Variants in VPS41 observed in about 807,000 individuals in gnomAD.
VPS41 encodes vacuolar protein sorting-associated protein 41 homolog.
A neutral mutation model predicts 130.9 loss-of-function variants in VPS41; 85 were observed. The observed-to-expected ratio is 0.65, with a 90% CI of 0.55 to 0.78. The LOEUF is 0.78. Ranked by LOEUF, VPS41 falls within the 30% of genes least tolerant of loss-of-function variation. The pLI, the probability that VPS41 is intolerant of heterozygous loss-of-function variation, is 0.00. For missense variants in VPS41, 874 were observed against 1,018.7 expected (o/e 0.86, Z 1.93); for synonymous variants, 335 against 332.9 (o/e 1.01, Z -0.07).
intron 22 of VPS41, among the ~76,000 whole-genome samples, chr7:38,748,073 G>GAT (rs1251561136): frequency 2.0e-5 from 3 of 152,148 alleles, no homozygotes; most frequent in Non-Finnish European, 4.4e-5. Flanking sequence ...TGAGAAAATG[G>GAT]ACTTTAGAAA....
At position 38,830,254 on chromosome 7, in the gene VPS41, C is replaced by T; in HGVS notation, c.321G>A (p.Lys107=). 2 of 1,608,962 alleles carry T rather than the reference C, an allele frequency of 1.2e-6. No individual in the cohort carries two copies. Among genetic ancestry groups the T allele is most frequent in the South Asian group, 1.1e-5 (1 of 90,982 alleles). ...EHMGVCSEDG[K]VQVFGLYSGE... ...CTGCATGACCACATCTTTGCCATACCTTGCCATCCTCTGAACACACACCCA... is the reference window on the plus strand; with the variant it reads ...CTGCATGACCACATCTTTGCCATACTTTGCCATCCTCTGAACACACACCCA... The change falls in exon 5 of 29, where the codon AAG becomes AAA. Residue 107 remains lysine (K), a splice_region_variant and synonymous_variant. Transcript: ENST00000310301.
intron 10 of VPS41, among the ~76,000 whole-genome samples, chr7:38,787,327 T>G (rs932907612): frequency 2.0e-5 from 3 of 152,094 alleles, no homozygotes; most frequent in African/African-American, 7.2e-5. Flanking sequence ...TGGAAGACTT[T>G]GGTGAAAAGT....
chr7:38,848,604 T>C (rs1349382139), intron 4 of VPS41, among the ~76,000 whole-genome samples: 1 of 152,248 alleles, frequency 6.6e-6, no homozygotes, highest in Non-Finnish European at 1.5e-5. Context: ...ATATTTTACA[T>C]GTATTCGTTC....
intron 3 of VPS41, among the ~76,000 whole-genome samples, chr7:38,863,776 G>A (rs925893263): frequency 1.3e-5 from 2 of 152,168 alleles, no homozygotes; most frequent in African/African-American, 2.4e-5. Flanking sequence ...CCGCTGCACA[G>A]GCCTGCCTGA....
chr7:38,845,360 A>T (rs73123624), intron 4 of VPS41, among the ~76,000 whole-genome samples: 17,968 of 152,240 alleles, frequency 0.12, 1,742 homozygotes, highest in African/African-American at 0.27. Flanking sequence ...ACAAATGTGA[A>T]CCTTGCACTT....
At chr7:38,730,712 A>G (rs1795645318) in intron 25 of VPS41, among the ~76,000 whole-genome samples, 1 of 152,210 alleles carries the variant, frequency 6.6e-6, no homozygotes, top group Admixed American at 6.5e-5. Flanking sequence ...AAAAGCAAAC[A>G]TATAAAGCTG....
At chr7:38,731,513 C>T (rs920847832) in intron 25 of VPS41, among the ~76,000 whole-genome samples, 1 of 152,174 alleles carries the variant, frequency 6.6e-6, no homozygotes, top group Non-Finnish European at 1.5e-5. Flanking sequence ...GTCATCCTCA[C>T]CTCTTTTTGA....
intron 7 of VPS41, among the ~76,000 whole-genome samples, chr7:38,799,220 A>G (rs994685182): frequency 3.3e-5 from 5 of 152,258 alleles, no homozygotes; most frequent in African/African-American, 4.8e-5. Flanking sequence ...ATGAATAACA[A>G]GACATTCAAA....
In VPS41 at chr7:38,728,761, G is replaced by GA; in HGVS notation, c.2289dup (p.Leu764SerfsTer4). ...AGTAAGGACAAAGAGTCAGCTACGA[G>GA]AATCTTCTTGCAGCCTTCACGAAGC... On this transcript the variant is annotated frameshift_variant, in exon 26 of 29. Coordinates refer to ENST00000310301, the MANE Select transcript of VPS41 (RefSeq NM_014396.4). LOFTEE classifies it high-confidence loss of function. The GA allele has an allele frequency of 6.2e-7, 1 of 1,614,162 alleles. No homozygotes were observed. Among genetic ancestry groups the GA allele is most frequent in the Non-Finnish European group, 8.5e-7 (1 of 1,180,018 alleles).
At chr7:38,852,953 C>T (rs1359746546) in intron 4 of VPS41, among the ~76,000 whole-genome samples, 1 of 152,138 alleles carries the variant, frequency 6.6e-6, no homozygotes. Context: ...ATTCTTTTTC[C>T]TTTGGTCCTT....
At chr7:38,766,687 G>A (rs961635295) in intron 15 of VPS41, among the ~76,000 whole-genome samples, 1 of 152,176 alleles carries the variant, frequency 6.6e-6, no homozygotes, top group South Asian at 2.1e-4. Flanking sequence ...CATGGGGATG[G>A]TTTCCCTCAA....
chr7:38,825,869 A>C (rs950286033), intron 5 of VPS41, among the ~76,000 whole-genome samples: 3 of 152,222 alleles, frequency 2.0e-5, no homozygotes, highest in African/African-American at 7.2e-5. Flanking sequence ...TGTATTTGCC[A>C]ACCAGAACAC....
intron 4 of VPS41, among the ~76,000 whole-genome samples, chr7:38,855,909 C>T (rs569052397): frequency 3.9e-5 from 6 of 152,234 alleles, no homozygotes; most frequent in African/African-American, 1.2e-4. Flanking sequence ...ACTGCCATAA[C>T]AAAATATCAT....
chr7:38,775,748 G>C (rs1321140776), intron 11 of VPS41: 1 of 151,498 alleles, frequency 6.6e-6, no homozygotes, highest in Non-Finnish European at 1.5e-5. Flanking sequence ...TGCTTGCTCA[G>C]AGAAACGCTC....
At chr7:38,778,570 T>C (rs1188912943) in intron 10 of VPS41, among the ~76,000 whole-genome samples, 2 of 152,208 alleles carry the variant, frequency 1.3e-5, no homozygotes, top group Non-Finnish European at 2.9e-5. Context: ...TACTAATCTC[T>C]GACTGGTAGA....
chr7:38,751,192 T>C (rs1783664477), intron 22 of VPS41, among the ~76,000 whole-genome samples: 1 of 152,236 alleles, frequency 6.6e-6, no homozygotes, highest in Non-Finnish European at 1.5e-5. Flanking sequence ...TTAATAATCA[T>C]GGGCTAAGGA....
chr7:38,873,163 G>T (rs1479751370), intron 2 of VPS41, among the ~76,000 whole-genome samples: 1 of 152,094 alleles, frequency 6.6e-6, no homozygotes, highest in Non-Finnish European at 1.5e-5. Context: ...TCCTTACGGG[G>T]TTTCAAAAAC....
intron 25 of VPS41, among the ~76,000 whole-genome samples, chr7:38,740,886 A>G (rs553004342): frequency 1.3e-5 from 2 of 152,236 alleles, no homozygotes; most frequent in African/African-American, 4.8e-5. Flanking sequence ...ATTCTACACA[A>G]ATGACCTTTA....
At chr7:38,732,976 A>G (rs1795697182) in intron 25 of VPS41, among the ~76,000 whole-genome samples, 1 of 152,132 alleles carries the variant, frequency 6.6e-6, no homozygotes, top group Non-Finnish European at 1.5e-5. Context: ...CACAGGCATG[A>G]GCCATCACGC....
Sources: allele counts gnomAD v4.1 joint callset (sites outside exome capture counted in the v4.1 genomes callset), GRCh38; gene constraint gnomAD v4.1.1; transcripts MANE v1.5; gene names NCBI Gene and HGNC (gene_info 2026-07-23, HGNC 2026-07-21).